RIPK2: variants seen among roughly 807,000 people sequenced by gnomAD.
RIPK2 encodes receptor-interacting serine/threonine-protein kinase 2.
RIPK2 carries 38 observed loss-of-function variants against 60.9 expected under a neutral mutation model. That is an observed-to-expected ratio of 0.62 (90% CI 0.48 to 0.82). The LOEUF is 0.82. RIPK2 is among the 40% of genes least tolerant of loss of function. The pLI is 0.00. For synonymous variants in RIPK2, 225 were observed against 223.4 expected (o/e 1.01, Z -0.06); for missense variants, 518 against 647.0 (o/e 0.80, Z 2.16).
At chr8:89,775,024 G>A (rs1290185976) in intron 6 of RIPK2, among the ~76,000 whole-genome samples, 1 of 152,040 alleles carries the variant, frequency 6.6e-6, no homozygotes, top group East Asian at 1.9e-4. Flanking sequence ...GAAGACTGAT[G>A]TACATTTAAA....
chr8:89,782,313 T>C (rs550620852), intron 7 of RIPK2, among the ~76,000 whole-genome samples: 150 of 152,326 alleles, frequency 9.8e-4, no homozygotes, highest in Non-Finnish European at 1.8e-3. Flanking sequence ...ACTTAAAACT[T>C]ATGAATTGTT....
Position 89,757,972 on chromosome 8 carries a change from G to C in RIPK2, c.-89G>C. ...TCTTGCCGGCCTCGCTCGTGCAGGG[G>C]CGTATCTGGGCGCCTGAGCGCGGCG... On this transcript the variant is annotated 5_prime_UTR_variant, in exon 1 of 11. Transcript: ENST00000220751. The C allele has an allele frequency of 6.9e-7, 1 of 1,449,234 alleles. No homozygotes were observed. Among genetic ancestry groups the C allele is most frequent in the South Asian group, 1.4e-5 (1 of 71,224 alleles). 89.8% of individuals were successfully genotyped at this position (1,449,234 alleles called of 1,614,324 possible).
At chr8:89,759,061 C>T (rs1809101347) in intron 1 of RIPK2, among the ~76,000 whole-genome samples, 1 of 152,176 alleles carries the variant, frequency 6.6e-6, no homozygotes, top group Non-Finnish European at 1.5e-5. Flanking sequence ...ACTAGCAGTT[C>T]AGTTTCTCCC....
At chr8:89,781,357 T>TTTTTTTTTTC (rs1809496789) in intron 7 of RIPK2, among the ~76,000 whole-genome samples, 12 of 25,188 alleles carry the variant, frequency 4.8e-4, no homozygotes, top group African/African-American at 3.3e-3. Flanking sequence ...AGATTGAATT[T>TTTTTTTTTTC]TTTTTTTTTT....
At chr8:89,781,495 T>C (rs2130578225) in intron 7 of RIPK2, among the ~76,000 whole-genome samples, 1 of 152,098 alleles carries the variant, frequency 6.6e-6, no homozygotes, top group South Asian at 2.1e-4. Flanking sequence ...GCATCTCCAA[T>C]TGCTTGAAAC....
At chr8:89,782,787 G>A (rs1462649149) in intron 7 of RIPK2, among the ~76,000 whole-genome samples, 2 of 152,052 alleles carry the variant, frequency 1.3e-5, no homozygotes, top group Admixed American at 1.3e-4. Flanking sequence ...AATAAACACT[G>A]AATAAACATA....
chr8:89,790,307 T>C lies in RIPK2; in HGVS notation c.1514T>C (p.Ile505Thr). 1.2e-6 allele frequency: 2 copies of C among 1,614,096 alleles called. No homozygotes were observed. The highest frequency in any genetic ancestry group is 1.7e-6 in the Non-Finnish European group (2 of 1,179,954). Residue 505 changes from isoleucine to threonine, a missense_variant, in exon 11 of 11, where the codon ATA becomes ACA. This residue lies in a region of RIPK2 where 41 missense variants were observed against 43.7 expected (regional missense o/e 0.94). Transcript: ENST00000220751. ...CAAGGAGAAGAATTTGCCAAAGTTA[T>C]AGTACAAAAATTGAAAGATAACAAA... is the stretch of plus-strand genomic sequence containing the variant. Reference protein sequence around the residue: ...DIQGEEFAKVIVQKLKDNKQM... With the variant: ...DIQGEEFAKVTVQKLKDNKQM...
chr8:89,790,560 C>T lies in RIPK2; in HGVS notation c.*144C>T. On this transcript the variant is annotated 3_prime_UTR_variant, in exon 11 of 11. Coordinates refer to ENST00000220751, the MANE Select transcript of RIPK2 (RefSeq NM_003821.6). ...ATATTAGTCTCCCTCCATGACACTG[C>T]AGTATTTTTTTTAATTAATACAAGT... The T allele has an allele frequency of 3.6e-6, 2 of 555,394 alleles. No individual in the cohort carries two copies. Among genetic ancestry groups the T allele is most frequent in the Non-Finnish European group, 6.1e-6 (2 of 329,832 alleles). The allele number at this position is 555,394 out of a possible 1,614,324, so 34.4% of individuals were successfully genotyped here.
intron 8 of RIPK2, among the ~76,000 whole-genome samples, chr8:89,785,826 T>C (rs1809579157): frequency 6.6e-6 from 1 of 152,224 alleles, no homozygotes; most frequent in African/African-American, 2.4e-5. Flanking sequence ...CCAGAGAGGT[T>C]AAATACCTTA....
chr8:89,773,907 G>A (rs957300989), intron 6 of RIPK2, among the ~76,000 whole-genome samples: 3 of 152,160 alleles, frequency 2.0e-5, no homozygotes, highest in Admixed American at 6.5e-5. Context: ...TTTCCACTTC[G>A]AAAGGTACTA....
intron 1 of RIPK2, among the ~76,000 whole-genome samples, chr8:89,758,665 T>G (rs1809092713): frequency 6.6e-6 from 1 of 152,188 alleles, no homozygotes; most frequent in South Asian, 2.1e-4. Context: ...CACTGTCCAG[T>G]AGGTAGCTCT....
chr8:89,781,354 A>ATTTTTTTTTTTCT (rs1161497561), intron 7 of RIPK2, among the ~76,000 whole-genome samples: 1,816 of 143,638 alleles, frequency 0.013, 39 homozygotes, highest in African/African-American at 0.043. Flanking sequence ...AATAGATTGA[A>ATTTTTTTTTTTCT]TTTTTTTTTT....
intron 6 of RIPK2, among the ~76,000 whole-genome samples, chr8:89,778,297 AT>A (rs201530572): frequency 2.2e-4 from 33 of 152,132 alleles, no homozygotes; most frequent in Admixed American, 4.6e-4. Flanking sequence ...AATAAAGATT[AT>A]TTTTTTCAAA....
intron 6 of RIPK2, 70 bp from the exon 7 acceptor site, chr8:89,780,005 A>C: frequency 2.6e-6 from 2 of 757,418 alleles, no homozygotes; most frequent in Non-Finnish European, 2.2e-6. Flanking sequence ...CTTGTACATT[A>C]AATGTTAGCA....
At chr8:89,770,026 T>C in intron 4 of RIPK2, 97 bp downstream of exon 4, 2 of 960,622 alleles carry the variant, frequency 2.1e-6, no homozygotes, top group Non-Finnish European at 3.1e-6. Flanking sequence ...GTGATTTTTA[T>C]TCTTCTCTCA....
intron 6 of RIPK2, among the ~76,000 whole-genome samples, chr8:89,779,415 CA>C (rs1475928256): frequency 7.1e-6 from 1 of 140,494 alleles, no homozygotes; most frequent in Non-Finnish European, 1.5e-5. Context: ...CCTGGGTTCA[CA>C]CCATTCTTCT....
chr8:89,782,847 C>T (rs1346098745), intron 7 of RIPK2, among the ~76,000 whole-genome samples: 1 of 152,092 alleles, frequency 6.6e-6, no homozygotes, highest in Admixed American at 6.6e-5. Context: ...CACTAATTCA[C>T]AAGTAATTTG....
intron 3 of RIPK2, 139 bp from the exon 4 acceptor site, chr8:89,769,633 A>T: frequency 1.9e-6 from 1 of 527,188 alleles, no homozygotes; most frequent in Non-Finnish European, 3.1e-6. Context: ...AGTTGGGGGA[A>T]TATACAGAAA....
At chr8:89,789,217 A>G (rs1251955038) in intron 9 of RIPK2, 104 bp from the exon 10 acceptor site, 1 of 941,638 alleles carries the variant, frequency 1.1e-6, no homozygotes, top group South Asian at 1.7e-5. Context: ...AGTGGAAACT[A>G]AAGACATTGG....
Sources: gnomAD v4.1 joint callset for allele counts (sites outside exome capture counted in the v4.1 genomes callset) on GRCh38, gnomAD v4.1.1 for gene constraint, gnomAD v4.1.1 regional missense constraint, MANE v1.5 for transcripts, NCBI Gene and HGNC (gene_info 2026-07-23, HGNC 2026-07-21) for gene names.